PLCH1: variants seen among roughly 807,000 people sequenced by gnomAD.
PLCH1 encodes the protein 1-phosphatidylinositol 4,5-bisphosphate phosphodiesterase eta-1.
PLCH1 carries 60 observed loss-of-function variants against 126.7 expected under a neutral mutation model. The ratio of observed to expected loss-of-function variants is 0.47; its 90% CI spans 0.38 to 0.59. The LOEUF is 0.59. Among genes scored for constraint, PLCH1 ranks in the 20% least tolerant of loss-of-function variants. PLCH1 has a pLI of 0.00. For missense variants in PLCH1, 1,723 were observed against 2,040.0 expected, an observed-to-expected ratio of 0.84 and a Z score of 2.99; for synonymous variants, 719 against 734.9, an observed-to-expected ratio of 0.98 and a Z score of 0.35.
At chr3:155,713,855 T>C (rs184521542) in intron 1 of PLCH1, among the ~76,000 whole-genome samples, 1 of 152,300 alleles carries the variant, frequency 6.6e-6, no homozygotes. Flanking sequence ...TTAATAAGGA[T>C]TATGGAAAAC....
At chr3:155,728,714 C>T (rs1431112753) in intron 1 of PLCH1, among the ~76,000 whole-genome samples, 1 of 152,184 alleles carries the variant, frequency 6.6e-6, no homozygotes, top group African/African-American at 2.4e-5. Context: ...GTCCTTTCTA[C>T]CTCCCTATTC....
intron 8 of PLCH1, among the ~76,000 whole-genome samples, chr3:155,563,753 CA>C (rs1014549882): frequency 6.6e-6 from 1 of 152,086 alleles, no homozygotes; most frequent in Non-Finnish European, 1.5e-5. Context: ...CCCTCATTAC[CA>C]AAAACTAAAA....
intron 1 of PLCH1, among the ~76,000 whole-genome samples, chr3:155,722,055 TA>T (rs1314955417): frequency 6.6e-6 from 1 of 151,920 alleles, no homozygotes; most frequent in Non-Finnish European, 1.5e-5. Flanking sequence ...TCAAAAAAAA[TA>T]AAGAAGTGGT....
chr3:155,647,137 T>G (rs1740152088), intron 2 of PLCH1, among the ~76,000 whole-genome samples: 1 of 152,148 alleles, frequency 6.6e-6, no homozygotes, highest in Non-Finnish European at 1.5e-5. Context: ...CAATTTTGTA[T>G]CAATGTCGTA....
chr3:155,523,061 G>A (rs1248662648), intron 11 of PLCH1, among the ~76,000 whole-genome samples: 2 of 151,942 alleles, frequency 1.3e-5, no homozygotes, highest in African/African-American at 2.4e-5. Context: ...TGCAAGCTCC[G>A]CCTCCCAGGT....
At chr3:155,704,533 T>C (rs1266545087) in intron 1 of PLCH1, among the ~76,000 whole-genome samples, 1 of 152,126 alleles carries the variant, frequency 6.6e-6, no homozygotes, top group East Asian at 1.9e-4. Flanking sequence ...GAAATAAACC[T>C]ACCATCAGAG....
chr3:155,470,994 G>A (rs1043203021), intron 21 of PLCH1, among the ~76,000 whole-genome samples: 8 of 151,584 alleles, frequency 5.3e-5, no homozygotes, highest in South Asian at 2.1e-4. Context: ...AAAGACCATC[G>A]AGACTAGGAA....
At chr3:155,642,212 G>A (rs543089609) in intron 2 of PLCH1, among the ~76,000 whole-genome samples, 2 of 152,292 alleles carry the variant, frequency 1.3e-5, no homozygotes, top group East Asian at 3.9e-4. Flanking sequence ...CGGTCACACA[G>A]CCTGTAAGTG....
chr3:155,649,624 T>A (rs999089668), intron 2 of PLCH1, among the ~76,000 whole-genome samples: 2 of 152,166 alleles, frequency 1.3e-5, no homozygotes, highest in Admixed American at 1.3e-4. Context: ...TGACTCTGAT[T>A]TGGACTGTGA....
intron 18 of PLCH1, 131 bp downstream of exon 18, chr3:155,492,598 T>C: frequency 1.4e-6 from 1 of 695,212 alleles, no homozygotes; most frequent in Non-Finnish European, 2.2e-6. Flanking sequence ...AATCAGTTAA[T>C]GTCTGATAAG....
chr3:155,724,918 G>T (rs1213518483), intron 1 of PLCH1, among the ~76,000 whole-genome samples: 2 of 150,822 alleles, frequency 1.3e-5, no homozygotes, highest in Non-Finnish European at 3.0e-5. Context: ...GTATTTCAAG[G>T]ATTTGTTTCA....
chr3:155,741,483 C>T lies in PLCH1; in HGVS notation c.-41+3357G>A, dbSNP rs941842522. ...TGGTGAAGGAAAGATGAGAGTTTCC[C>T]TAACCGTCTATGTCCTAGGAATGAC... is the stretch of plus-strand genomic sequence containing the variant. On this transcript the variant is annotated intron_variant, in intron 1 of 22. Coordinates refer to ENST00000460012, the MANE Select transcript of PLCH1 (RefSeq NM_014996.4). Among the ~76,000 whole-genome samples, 7 of 152,096 alleles carry T rather than the reference C, an allele frequency of 4.6e-5. No individual in the cohort carries two copies. In the East Asian group the frequency reaches 1.3e-3, roughly 29 times the overall value.
intron 2 of PLCH1, among the ~76,000 whole-genome samples, chr3:155,693,749 G>A (rs1273351113): frequency 1.3e-5 from 2 of 152,096 alleles, no homozygotes; most frequent in South Asian, 4.1e-4. Context: ...GGTCAACATG[G>A]TGAAACCCCG....
intron 1 of PLCH1, chr3:155,743,190 A>G (rs927469499): frequency 8.2e-5 from 36 of 437,504 alleles, no homozygotes; most frequent in African/African-American, 7.3e-4. Context: ...AACGGATTTT[A>G]AAAGAGGGGA....
intron 2 of PLCH1, among the ~76,000 whole-genome samples, chr3:155,607,783 G>A (rs970767236): frequency 7.9e-5 from 12 of 152,084 alleles, no homozygotes; most frequent in African/African-American, 2.9e-4. Context: ...AGGCATTTGG[G>A]AAGAAAAATG....
At chr3:155,533,269 GGGCATGGT>G (rs1220458844) in intron 10 of PLCH1, among the ~76,000 whole-genome samples, 1 of 152,208 alleles carries the variant, frequency 6.6e-6, no homozygotes, top group Admixed American at 6.5e-5. Context: ...AAATCCAGCT[GGGCATGGT>G]GGCTCATGCC....
chr3:155,582,075 C>CTTTTTTTTTTT (rs869254665), intron 6 of PLCH1, among the ~76,000 whole-genome samples: 6 of 64,122 alleles, frequency 9.4e-5, no homozygotes, highest in African/African-American at 1.9e-4. Flanking sequence ...TCTTTTCTTT[C>CTTTTTTTTTTT]TTTTTTTTTT....
At chr3:155,626,702 G>C (rs957485119) in intron 2 of PLCH1, among the ~76,000 whole-genome samples, 2 of 143,382 alleles carry the variant, frequency 1.4e-5, no homozygotes, top group African/African-American at 2.5e-5. Flanking sequence ...CCGGGAGGCA[G>C]AGCTTGCAGT....
chr3:155,524,352 T>C (rs996368342), intron 10 of PLCH1, among the ~76,000 whole-genome samples: 9 of 152,214 alleles, frequency 5.9e-5, no homozygotes, highest in African/African-American at 2.2e-4. Flanking sequence ...GTTTCAGTTT[T>C]ACAAGATGAA....
Sources: allele counts gnomAD v4.1 joint callset (sites outside exome capture counted in the v4.1 genomes callset), GRCh38; gene constraint gnomAD v4.1.1; transcripts MANE v1.5; gene names NCBI Gene and HGNC (gene_info 2026-07-23, HGNC 2026-07-21).